Variants in ASIC2 observed in about 807,000 individuals in gnomAD.
ASIC2 encodes acid-sensing ion channel 2.
A neutral mutation model predicts 57.3 loss-of-function variants in ASIC2; 25 were observed. That is an observed-to-expected ratio of 0.44 (90% CI 0.32 to 0.61). The LOEUF (loss-of-function observed/expected upper bound fraction) is 0.61. Ranked by LOEUF, ASIC2 falls within the 20% of genes least tolerant of loss-of-function variation. The pLI is 0.06. For synonymous variants in ASIC2, 319 were observed against 307.5 expected, an observed-to-expected ratio of 1.04 and a Z score of -0.39; for missense variants, 641 against 738.1, an observed-to-expected ratio of 0.87 and a Z score of 1.52.
intron 1 of ASIC2, among the ~76,000 whole-genome samples, chr17:33,249,115 C>T (rs554454875): frequency 2.1e-4 from 32 of 152,042 alleles, no homozygotes; most frequent in Middle Eastern, 3.2e-3. Flanking sequence ...GATTTTCTGA[C>T]AGACTGGAGG....
intron 1 of ASIC2, among the ~76,000 whole-genome samples, chr17:33,437,770 T>G (rs935154047): frequency 2.0e-5 from 3 of 152,182 alleles, no homozygotes; most frequent in African/African-American, 7.2e-5. Flanking sequence ...CACTCCAGCC[T>G]GGGTGAGACC....
chr17:33,361,375 G>A (rs1487738393), intron 1 of ASIC2, among the ~76,000 whole-genome samples: 1 of 152,212 alleles, frequency 6.6e-6, no homozygotes, highest in Non-Finnish European at 1.5e-5. Context: ...AGTGGCTTCT[G>A]CAATGTGGAC....
At chr17:33,043,272 TAAG>T (rs1371422179) in intron 3 of ASIC2, among the ~76,000 whole-genome samples, 4 of 152,214 alleles carry the variant, frequency 2.6e-5, no homozygotes, top group Admixed American at 6.5e-5. Context: ...GCCACACTGC[TAAG>T]AAGTGGCAGA....
chr17:33,228,524 A>G (rs1597640461), intron 1 of ASIC2, among the ~76,000 whole-genome samples: 1 of 152,180 alleles, frequency 6.6e-6, no homozygotes, highest in Non-Finnish European at 1.5e-5. Context: ...CGTGACATCC[A>G]TGAGACACAT....
chr17:33,845,526 A>G (rs1567732467), intron 1 of ASIC2, among the ~76,000 whole-genome samples: 2 of 152,192 alleles, frequency 1.3e-5, no homozygotes, highest in South Asian at 2.1e-4. Context: ...CTCTGCAACT[A>G]CATAATTGTA....
intron 1 of ASIC2, among the ~76,000 whole-genome samples, chr17:33,493,844 G>A (rs944337628): frequency 6.6e-5 from 10 of 152,256 alleles, no homozygotes; most frequent in Admixed American, 2.0e-4. Context: ...AGGATGAGTC[G>A]CTCCAGGATT....
intron 1 of ASIC2, among the ~76,000 whole-genome samples, chr17:33,941,736 T>A (rs1206886487): frequency 1.3e-5 from 2 of 151,872 alleles, no homozygotes; most frequent in African/African-American, 4.8e-5. Context: ...GAAAAGGAGG[T>A]CAAAGGGAGT....
In ASIC2 at chr17:33,677,759, C is replaced by T. The variant is rs190271097; in HGVS notation, c.555+478219G>A. ...TGAAAAAACTGGAACAGATGAAGTT[C>T]GAAGTAAGAGTTGTTTTTTATGGGT... On this transcript the variant is annotated intron_variant, in intron 1 of 9. Coordinates refer to the ASIC2 transcript ENST00000359872. 5.3e-5 allele frequency among the ~76,000 whole-genome samples: 8 copies of T among 152,172 alleles called. No individual in the cohort carries two copies. In the South Asian group the frequency reaches 6.2e-4, roughly 12 times the overall value.
intron 1 of ASIC2, among the ~76,000 whole-genome samples, chr17:33,177,320 C>T (rs1159364822): frequency 6.6e-6 from 1 of 152,118 alleles, no homozygotes; most frequent in Non-Finnish European, 1.5e-5. Flanking sequence ...AAGAGGAGCT[C>T]CTATATTACT....
intron 1 of ASIC2, among the ~76,000 whole-genome samples, chr17:33,211,410 G>T (rs963954824): frequency 6.6e-6 from 1 of 152,020 alleles, no homozygotes; most frequent in African/African-American, 2.4e-5. Context: ...AAAGCTGGTC[G>T]TTAAACATTA....
intron 1 of ASIC2, among the ~76,000 whole-genome samples, chr17:33,426,923 C>T (rs939537591): frequency 6.6e-6 from 1 of 152,162 alleles, no homozygotes; most frequent in Non-Finnish European, 1.5e-5. Flanking sequence ...TTTGAGGAAG[C>T]GACTTATAGC....
intron 1 of ASIC2, among the ~76,000 whole-genome samples, chr17:33,214,361 C>T (rs1039710092): frequency 6.6e-6 from 1 of 152,162 alleles, no homozygotes; most frequent in Non-Finnish European, 1.5e-5. Flanking sequence ...GCTGACTTCT[C>T]AGTGGCTGCA....
At chr17:34,046,546 T>C (rs1184177544) in intron 1 of ASIC2, among the ~76,000 whole-genome samples, 2 of 152,216 alleles carry the variant, frequency 1.3e-5, no homozygotes, top group African/African-American at 4.8e-5. Flanking sequence ...GGAAGCCAGC[T>C]TGGTTCCAAA....
chr17:34,037,769 T>C, intron 1 of ASIC2: 1 of 1,614,150 alleles, frequency 6.2e-7, no homozygotes. Flanking sequence ...CTCCTTTCGG[T>C]AGGCCAAGCA....
intron 1 of ASIC2, among the ~76,000 whole-genome samples, chr17:33,184,429 A>T (rs925565040): frequency 4.6e-5 from 7 of 152,124 alleles, no homozygotes; most frequent in African/African-American, 1.2e-4. Context: ...GGAGGGAAGG[A>T]CCCAGCCCCC....
chr17:33,197,992 T>C (rs572781952), intron 1 of ASIC2, among the ~76,000 whole-genome samples: 2 of 152,200 alleles, frequency 1.3e-5, no homozygotes, highest in African/African-American at 4.8e-5. Context: ...ACCTGGCTCC[T>C]GGGAACATTA....
intron 1 of ASIC2, among the ~76,000 whole-genome samples, chr17:33,925,790 A>G (rs890242186): frequency 7.9e-5 from 12 of 152,178 alleles, no homozygotes; most frequent in African/African-American, 2.9e-4. Context: ...TGGAGGCTGC[A>G]ATCCATTGAC....
chr17:33,365,287 A>G (rs1908764411), intron 1 of ASIC2, among the ~76,000 whole-genome samples: 1 of 152,122 alleles, frequency 6.6e-6, no homozygotes, highest in South Asian at 2.1e-4. Context: ...CCTGGTACTT[A>G]TCCCTGTTAA....
intron 1 of ASIC2, among the ~76,000 whole-genome samples, chr17:33,741,029 A>C (rs1282505487): frequency 6.6e-6 from 1 of 152,168 alleles, no homozygotes. Context: ...CCCTGTGTGC[A>C]GACTGCCAGG....
Sources: allele counts gnomAD v4.1 joint callset (sites outside exome capture counted in the v4.1 genomes callset), GRCh38; gene constraint gnomAD v4.1.1; transcripts MANE v1.5; gene names NCBI Gene and HGNC (gene_info 2026-07-23, HGNC 2026-07-21).